The following CTSE variants were observed in gnomAD, a reference collection of about 807,000 sequenced individuals.
CTSE encodes the protein cathepsin E, also known as erythrocyte membrane aspartic proteinase.
In CTSE, 43 loss-of-function variants were observed where a neutral mutation model predicts 42.8. That is an observed-to-expected ratio of 1.01 (90% CI 0.79 to 1.30). CTSE has a LOEUF of 1.30. Ranked by LOEUF, CTSE falls within the 50% of genes most tolerant of loss-of-function variation. CTSE has a pLI of 0.00. For synonymous variants in CTSE, 205 were observed against 191.5 expected (o/e 1.07, Z -0.58); for missense variants, 532 against 493.5 (o/e 1.08, Z -0.74).
chr1:206,021,076 G>T lies in CTSE; in HGVS notation c.435C>A (p.Ser145=). 6.2e-7 allele frequency: 1 copy of T among 1,612,800 alleles called. No individual in the cohort carries two copies. The highest frequency in any genetic ancestry group is 1.1e-5 in the South Asian group (1 of 91,068). ...FSIQYGTGSL[S]GIIGADQVSV... is the part of the protein sequence containing the mutation. ...AGACTTGGTCGGCTCCAATGATCCC[G>T]GACAAGCTCCCGGTTCCATACTGAA... Residue 145 remains serine, a synonymous_variant, in exon 4 of 9, where the codon TCC becomes TCA. Coordinates refer to ENST00000358184, the MANE Select transcript of CTSE (RefSeq NM_001910.4).
At chr1:206,021,501 C>T (rs1184059215) in intron 3 of CTSE, 1 of 274,708 alleles carries the variant, frequency 3.6e-6, no homozygotes, top group Non-Finnish European at 6.8e-6. Context: ...TCAAAAGAAA[C>T]TCAGGGATAA....
At chr1:206,022,828 A>G (rs1293622024) in intron 2 of CTSE, 73 bp downstream of exon 2, 6 of 1,381,266 alleles carry the variant, frequency 4.3e-6, no homozygotes, top group East Asian at 4.9e-5. Context: ...CTGATGTGGC[A>G]CTGGCCATGC....
rs782814503 is a variant in CTSE, at chr1:206,012,534, T to G, written c.901A>C (p.Ile301Leu). The G allele has an allele frequency of 3.0e-5, 49 of 1,613,876 alleles. 1 individual carries two copies. Among genetic ancestry groups the G allele is most frequent in the Non-Finnish European group, 4.1e-5 (48 of 1,179,950 alleles). Residue 301 changes from isoleucine (I) to leucine (L), a missense_variant, in exon 7 of 9, where the codon ATT (isoleucine) becomes CTT (leucine). By Grantham distance (5) the Ile-to-Leu change is conservative. Coordinates refer to ENST00000358184, the MANE Select transcript of CTSE (RefSeq NM_001910.4). ...TCTCCATCCACGGGGGCTGCCCCAA[T>G]GGCGTTTTGCAGCTGCTTAATCTTG... ...SDKIKQLQNA[I>L]GAAPVDGEYA...
chr1:206,013,784 A>G lies in CTSE; in HGVS notation c.773T>C (p.Ile258Thr). 6.2e-7 allele frequency: 1 copy of G among 1,613,752 alleles called. No homozygotes were observed. Among genetic ancestry groups the G allele is most frequent in the Non-Finnish European group, 8.5e-7 (1 of 1,179,822 alleles). ...VPVTKQAYWQ[I>T]ALDNIQVGGT... Reference sequence around the variant, plus strand: ...GGGGAATACTCACTTATCCAGTGCAATCTGCCAGTAAGCTTGCTTGGTGAC... The same window carrying G: ...GGGGAATACTCACTTATCCAGTGCAGTCTGCCAGTAAGCTTGCTTGGTGAC... Residue 258 changes from isoleucine to threonine, a missense_variant, in exon 6 of 9, where the codon ATT becomes ACT. Physicochemically the swap from Ile to Thr is moderately conservative, Grantham distance 89. Coordinates refer to ENST00000358184, the MANE Select transcript of CTSE (RefSeq NM_001910.4).
At chr1:206,013,967 C>A (rs1661195069) in intron 5 of CTSE, 73 bp from the exon 6 acceptor site, 2 of 1,540,774 alleles carry the variant, frequency 1.3e-6, no homozygotes, top group Non-Finnish European at 1.8e-6. Flanking sequence ...CAGCTAGGAC[C>A]CTTTGCTTCT....
At chr1:206,017,195 G>A in intron 4 of CTSE, among the ~76,000 whole-genome samples, 1 of 152,000 alleles carries the variant, frequency 6.6e-6, no homozygotes, top group Non-Finnish European at 1.5e-5. Context: ...GGTTTTGATA[G>A]TATTATAAAT....
In CTSE at chr1:206,021,086, C is replaced by A; in HGVS notation, c.425G>T (p.Gly142Val). The change falls in exon 4 of 9, where the codon GGG becomes GTG. Residue 142 changes from glycine (G) to valine (V), a missense_variant. By Grantham distance (109) the Gly-to-Val change is moderately radical. Transcript: ENST00000358184. ...GQSFSIQYGT[G>V]SLSGIIGADQ... ...GGCTCCAATGATCCCGGACAAGCTC[C>A]CGGTTCCATACTGAATGGAGAAAGA... is the stretch of plus-strand genomic sequence containing the variant. The A allele has an allele frequency of 1.9e-6, 3 of 1,613,572 alleles. No homozygotes were observed. The highest frequency in any genetic ancestry group is 1.3e-5 in the African/African-American group (1 of 75,044).
intron 3 of CTSE, 72 bp from the exon 4 acceptor site, chr1:206,021,239 G>T: frequency 1.7e-6 from 2 of 1,197,530 alleles, no homozygotes; most frequent in Non-Finnish European, 2.5e-6. Flanking sequence ...ATGCCACCCA[G>T]CCCCACAGCG....
intron 4 of CTSE, 145 bp downstream of exon 4, chr1:206,020,904 G>T: frequency 1.6e-6 from 1 of 640,072 alleles, no homozygotes; most frequent in Non-Finnish European, 2.8e-6. Context: ...CATCTCAGGT[G>T]GGGAGTGTTG....
intron 3 of CTSE, 134 bp from the exon 4 acceptor site, chr1:206,021,301 T>A: frequency 1.5e-6 from 1 of 686,120 alleles, no homozygotes; most frequent in Non-Finnish European, 2.6e-6. Flanking sequence ...CCTAGAAGCC[T>A]GGTGATGCCC....
chr1:206,012,705 T>C, intron 6 of CTSE, 56 bp from the exon 7 acceptor site: 1 of 1,590,720 alleles, frequency 6.3e-7, no homozygotes, highest in South Asian at 1.1e-5. Flanking sequence ...CCTAGGAAAC[T>C]CCCACTCTTT....
chr1:206,023,333 C>T (rs924050685), intron 1 of CTSE, among the ~76,000 whole-genome samples: 2 of 151,756 alleles, frequency 1.3e-5, no homozygotes, highest in Non-Finnish European at 2.9e-5. Context: ...AGATGTGGGG[C>T]GGTCTACAGT....
chr1:206,010,950 C>A (rs1183155440), intron 8 of CTSE, among the ~76,000 whole-genome samples: 1 of 152,006 alleles, frequency 6.6e-6, no homozygotes, highest in African/African-American at 2.4e-5. Flanking sequence ...GTCTTTCCAA[C>A]AATGATTTGA....
chr1:206,019,638 T>C (rs1359057059), intron 4 of CTSE, among the ~76,000 whole-genome samples: 2 of 151,190 alleles, frequency 1.3e-5, no homozygotes, highest in Non-Finnish European at 1.5e-5. Context: ...TGATGATCAG[T>C]TAGGGATGTA....
rs782175333 is a variant in CTSE, at chr1:206,022,268, C to T, written c.226-1G>A. ...TGGAGATAGTGCCGAAGTATTCCAT[C>T]TGCAAGGAAGAGTGAGAAGGAAAGA... On this transcript the variant is annotated splice_acceptor_variant, in intron 2 of 8. Coordinates refer to ENST00000358184, the MANE Select transcript of CTSE (RefSeq NM_001910.4). LOFTEE classifies it high-confidence loss of function. 7.4e-5 allele frequency: 119 copies of T among 1,600,510 alleles called. 3 individuals are homozygous for T. The South Asian group carries it at 1.3e-3, about 17-fold the overall frequency.
Position 206,022,397 on chromosome 1 carries a change from AG to A in CTSE, c.226-131del, listed in dbSNP as rs1661466503. Reference sequence around the variant, plus strand: ...ATACAGACTGGAGTTTACAGAGCCTAGGAAGTGGCAACGCTGGAAAATAAAA... The same window carrying A: ...ATACAGACTGGAGTTTACAGAGCCTAGAAGTGGCAACGCTGGAAAATAAAA... On this transcript the variant is annotated intron_variant, in intron 2 of 8. Coordinates refer to ENST00000358184, the MANE Select transcript of CTSE (RefSeq NM_001910.4). The A allele has an allele frequency of 4.9e-6, 3 of 613,756 alleles. No individual in the cohort carries two copies. The East Asian group carries it at 8.3e-5, about 17-fold the overall frequency. 38.0% of individuals were successfully genotyped at this position (613,756 alleles called of 1,614,324 possible).
In CTSE at chr1:206,022,409, C is replaced by T. The variant is rs543883368; in HGVS notation, c.226-142G>A. The T allele has an allele frequency of 9.1e-5, 52 of 572,572 alleles. 1 individual carries two copies. The East Asian group carries it at 1.2e-3, about 13-fold the overall frequency. The allele number at this position is 572,572 out of a possible 1,614,324, so 35.5% of individuals were successfully genotyped here. ...GTTTACAGAGCCTAGGAAGTGGCAA[C>T]GCTGGAAAATAAAAGGTAAAAGGAG... is the stretch of plus-strand genomic sequence containing the variant. On this transcript the variant is annotated intron_variant, in intron 2 of 8. Transcript: ENST00000358184.
chr1:206,017,326 T>G (rs1661291115), intron 4 of CTSE, among the ~76,000 whole-genome samples: 1 of 152,010 alleles, frequency 6.6e-6, no homozygotes, highest in South Asian at 2.1e-4. Context: ...AACATGAGGC[T>G]CAAAGAAAAT....
intron 5 of CTSE, among the ~76,000 whole-genome samples, chr1:206,014,801 G>C (rs189784044): frequency 6.6e-6 from 1 of 152,132 alleles, no homozygotes; most frequent in East Asian, 1.9e-4. Flanking sequence ...GTTCTGCAAG[G>C]GGAAGCAGAG....
Sources: gnomAD v4.1 joint callset for allele counts (sites outside exome capture counted in the v4.1 genomes callset) on GRCh38, gnomAD v4.1.1 for gene constraint, MANE v1.5 for transcripts, NCBI Gene and HGNC (gene_info 2026-07-23, HGNC 2026-07-21) for gene names.